The following NUP210L variants were observed in gnomAD, a reference collection of about 807,000 sequenced individuals.
NUP210L encodes nuclear pore membrane glycoprotein 210-like.
In NUP210L, 74 loss-of-function variants were observed where a neutral mutation model predicts 208.5. That is an observed-to-expected ratio of 0.35 (90% CI 0.29 to 0.43). The LOEUF (loss-of-function observed/expected upper bound fraction) is 0.43, where lower values mean the gene tolerates loss of function less well. NUP210L is among the 20% of genes least tolerant of loss of function. The pLI is 1.00. For missense variants in NUP210L, 1,843 were observed against 2,289.4 expected (o/e 0.81, Z 3.98); for synonymous variants, 780 against 816.9 (o/e 0.95, Z 0.77).
intron 17 of NUP210L, among the ~76,000 whole-genome samples, chr1:154,065,892 C>CAAAAAAAAA (rs58053478): frequency 1.1e-4 from 7 of 61,108 alleles, no homozygotes; most frequent in Non-Finnish European, 1.8e-4. Flanking sequence ...GACTCTGTCT[C>CAAAAAAAAA]AAAAAAAAAA....
Position 154,058,704 on chromosome 1 carries a change from G to A in NUP210L, c.2851-11C>T. On this transcript the variant is annotated splice_polypyrimidine_tract_variant and intron_variant, in intron 20 of 39. Coordinates refer to ENST00000368559, the Ensembl canonical transcript of NUP210L. ...ATGTAATGGAACTAACTGGAAGTAA[G>A]AAGATGGTAGCTGGATAAAGAAGCA... The A allele has an allele frequency of 1.2e-6, 2 of 1,612,080 alleles. No homozygotes were observed. Among genetic ancestry groups the A allele is most frequent in the Middle Eastern group, 1.7e-4 (1 of 6,050 alleles).
At chr1:154,018,854 G>A in intron 33 of NUP210L, 79 bp downstream of exon 33, 1 of 1,478,942 alleles carries the variant, frequency 6.8e-7, no homozygotes, top group East Asian at 2.3e-5. Flanking sequence ...CCTTTCCTAA[G>A]ATGTATTTTC....
At position 154,058,216 on chromosome 1, in the gene NUP210L, C is replaced by T. The variant is rs769204180; in HGVS notation, c.2980G>A (p.Val994Ile). ...ACTAACACAGTTTTGTCTATTTCAA[C>T]CTAGTAGTTAAAAAGAAAAAGATTT... is the stretch of plus-strand genomic sequence containing the variant. Residue 994 changes from valine (V) to isoleucine (I), a missense_variant and splice_region_variant, in exon 22 of 40, where the codon GTT (valine) becomes ATT (isoleucine). Physicochemically the swap from Val to Ile is conservative, Grantham distance 29 (BLOSUM62 3). Around this residue, in one of 5 missense-constraint regions of NUP210L, gnomAD observed 408 missense variants for 600.8 expected, o/e 0.68. Transcript: ENST00000368559. 3.1e-6 allele frequency: 5 copies of T among 1,613,264 alleles called. No homozygotes were observed. The South Asian group carries it at 5.5e-5, about 18-fold the overall frequency.
chr1:154,028,534 G>A (rs1292182713), intron 28 of NUP210L, among the ~76,000 whole-genome samples: 2 of 152,022 alleles, frequency 1.3e-5, no homozygotes, highest in East Asian at 1.9e-4. Flanking sequence ...TTGCAGTGAG[G>A]CGAGATCATG....
chr1:154,143,049 G>A (rs1658935389), intron 3 of NUP210L, among the ~76,000 whole-genome samples: 1 of 152,028 alleles, frequency 6.6e-6, no homozygotes, highest in Admixed American at 6.6e-5. Flanking sequence ...TTAGCCGGGA[G>A]TGGTGGCGCA....
chr1:154,035,402 CT>C (rs879393243), intron 27 of NUP210L, among the ~76,000 whole-genome samples: 116 of 143,272 alleles, frequency 8.1e-4, no homozygotes, highest in East Asian at 8.0e-4. Context: ...ATTTTTTCTA[CT>C]TTTTTTTTTT....
At chr1:154,119,742 G>C (rs1657515044) in intron 10 of NUP210L, among the ~76,000 whole-genome samples, 1 of 152,138 alleles carries the variant, frequency 6.6e-6, no homozygotes, top group Non-Finnish European at 1.5e-5. Flanking sequence ...GTATTTAGAA[G>C]TGCATTATCC....
chr1:154,129,162 TTTGAAA>T (rs1160597218), intron 8 of NUP210L, 109 bp downstream of exon 8: 7 of 619,590 alleles, frequency 1.1e-5, no homozygotes, highest in Non-Finnish European at 1.4e-5. Flanking sequence ...TAAGGTTGAA[TTTGAAA>T]TTAAGTCCCA....
intron 16 of NUP210L, among the ~76,000 whole-genome samples, chr1:154,083,312 G>A (rs1449121781): frequency 6.6e-6 from 1 of 152,168 alleles, no homozygotes; most frequent in Non-Finnish European, 1.5e-5. Context: ...GCTGATTGGT[G>A]TGTTTTTACA....
chr1:154,149,668 C>T (rs1014782616), intron 2 of NUP210L, among the ~76,000 whole-genome samples: 1 of 152,106 alleles, frequency 6.6e-6, no homozygotes, highest in South Asian at 2.1e-4. Context: ...ATGTTTGTGC[C>T]ACTGAACTCC....
rs767999870 is a variant in NUP210L, at chr1:154,070,498, T to C, written c.2362-33A>G. The C allele has an allele frequency of 5.7e-6, 8 of 1,401,942 alleles. No homozygotes were observed. The South Asian group carries it at 9.0e-5, about 16-fold the overall frequency. 86.8% of individuals were successfully genotyped at this position (1,401,942 alleles called of 1,614,324 possible). ...AAAATAAAAAGTAATAAAACAACAA[T>C]TTAAAAATCAATAGCCTAAGGGGTA... On this transcript the variant is annotated intron_variant, in intron 16 of 39. Coordinates refer to ENST00000368559, the Ensembl canonical transcript of NUP210L.
chr1:154,011,193 G>T (rs373911215), intron 34 of NUP210L, among the ~76,000 whole-genome samples: 1 of 150,724 alleles, frequency 6.6e-6, no homozygotes, highest in Admixed American at 6.6e-5. Context: ...GGAATAAAAC[G>T]TCAGTCTGTT....
At chr1:154,096,968 C>T (rs1444505228) in intron 14 of NUP210L, among the ~76,000 whole-genome samples, 1 of 152,062 alleles carries the variant, frequency 6.6e-6, no homozygotes, top group African/African-American at 2.4e-5. Context: ...GTAATCCCAC[C>T]CACTTGGGAG....
chr1:154,072,048 G>T (rs1268649255), intron 16 of NUP210L, among the ~76,000 whole-genome samples: 1 of 151,530 alleles, frequency 6.6e-6, no homozygotes, highest in Non-Finnish European at 1.5e-5. Flanking sequence ...ATCTCAGTTG[G>T]TTCCACATTT....
intron 20 of NUP210L, among the ~76,000 whole-genome samples, chr1:154,059,816 C>G (rs1448406559): frequency 6.6e-6 from 1 of 152,028 alleles, no homozygotes; most frequent in Non-Finnish European, 1.5e-5. Flanking sequence ...TAGAAAGGAA[C>G]TATATACATA....
At chr1:154,058,502 A>G in intron 21 of NUP210L, 63 bp downstream of exon 21, 1 of 1,558,246 alleles carries the variant, frequency 6.4e-7, no homozygotes. Flanking sequence ...GACTATATTA[A>G]GGAATGCTGG....
chr1:154,088,871 T>A (rs1001728457), intron 16 of NUP210L, among the ~76,000 whole-genome samples: 1 of 152,206 alleles, frequency 6.6e-6, no homozygotes, highest in Non-Finnish European at 1.5e-5. Flanking sequence ...ATGTTCTACT[T>A]TCTAGGATAG....
chr1:154,007,997 G>A (rs1264275553), intron 35 of NUP210L, among the ~76,000 whole-genome samples: 2 of 151,530 alleles, frequency 1.3e-5, no homozygotes, highest in African/African-American at 2.4e-5. Flanking sequence ...TCAGCCTCCC[G>A]AGTAGCTGGG....
At chr1:154,082,499 G>A (rs982848061) in intron 16 of NUP210L, among the ~76,000 whole-genome samples, 1 of 152,122 alleles carries the variant, frequency 6.6e-6, no homozygotes, top group Non-Finnish European at 1.5e-5. Flanking sequence ...AACAGGTGGA[G>A]ATTCCCAGAG....
Sources: gnomAD v4.1 joint callset for allele counts (sites outside exome capture counted in the v4.1 genomes callset) on GRCh38, gnomAD v4.1.1 for gene constraint, gnomAD v4.1.1 regional missense constraint, MANE v1.5 for transcripts, NCBI Gene and HGNC (gene_info 2026-07-23, HGNC 2026-07-21) for gene names.